The following MAGI2 variants were observed in gnomAD, a reference collection of about 807,000 sequenced individuals.
The protein encoded by MAGI2 is membrane associated guanylate kinase, WW and PDZ domain containing 2.
In MAGI2, 35 loss-of-function variants were observed where a neutral mutation model predicts 133.3. That is an observed-to-expected ratio of 0.26 (90% CI 0.20 to 0.35). MAGI2 has a LOEUF of 0.35. MAGI2 is among the 10% of genes least tolerant of loss of function. The pLI, the probability that MAGI2 is intolerant of heterozygous loss-of-function variation, is 1.00. For synonymous variants in MAGI2, 729 were observed against 710.6 expected, an observed-to-expected ratio of 1.03 and a Z score of -0.41; for missense variants, 1,636 against 1,863.4, an observed-to-expected ratio of 0.88 and a Z score of 2.25.
intron 17 of MAGI2, chr7:78,134,733 G>T (rs190448758): frequency 7.3e-6 from 2 of 274,868 alleles, no homozygotes; most frequent in African/African-American, 4.4e-5. Flanking sequence ...AAAAGTGGGG[G>T]CCCACAGGGA....
intron 1 of MAGI2, among the ~76,000 whole-genome samples, chr7:79,402,525 A>G (rs1563190849): frequency 1.3e-5 from 2 of 152,346 alleles, no homozygotes; most frequent in East Asian, 3.9e-4. Context: ...AGAGAGGGTA[A>G]GGTAATTTAT....
intron 2 of MAGI2, among the ~76,000 whole-genome samples, chr7:78,827,858 G>A (rs896059488): frequency 3.9e-5 from 6 of 152,050 alleles, no homozygotes; most frequent in Admixed American, 6.6e-5. Flanking sequence ...TCACCCTTGA[G>A]GAGGTGAAGC....
At chr7:78,991,167 C>G (rs1805733426) in intron 2 of MAGI2, among the ~76,000 whole-genome samples, 1 of 151,864 alleles carries the variant, frequency 6.6e-6, no homozygotes, top group Non-Finnish European at 1.5e-5. Context: ...AAGAAGGTGC[C>G]TGCTTCTCCT....
chr7:78,588,875 C>T (rs1378633576), intron 3 of MAGI2, among the ~76,000 whole-genome samples: 1 of 152,114 alleles, frequency 6.6e-6, no homozygotes, highest in Non-Finnish European at 1.5e-5. Flanking sequence ...AAAGCACCTC[C>T]GAATTCATCT....
chr7:78,602,503 G>C (rs1319360801), intron 3 of MAGI2, among the ~76,000 whole-genome samples: 1 of 151,360 alleles, frequency 6.6e-6, no homozygotes, highest in Admixed American at 6.6e-5. Flanking sequence ...TCTTGTCTTG[G>C]ATGCTTTGAA....
intron 10 of MAGI2, among the ~76,000 whole-genome samples, chr7:78,204,269 T>C (rs1252796565): frequency 6.6e-6 from 1 of 152,158 alleles, no homozygotes; most frequent in African/African-American, 2.4e-5. Flanking sequence ...TCACAGATCA[T>C]AGGACACTAT....
At chr7:78,463,908 GA>G in intron 6 of MAGI2, among the ~76,000 whole-genome samples, 1 of 151,986 alleles carries the variant, frequency 6.6e-6, no homozygotes, top group East Asian at 1.9e-4. Context: ...AAGAAGGGAG[GA>G]AGGTAGGTAG....
intron 2 of MAGI2, among the ~76,000 whole-genome samples, chr7:78,719,733 G>C (rs1300782144): frequency 6.6e-6 from 1 of 152,180 alleles, no homozygotes; most frequent in Admixed American, 6.5e-5. Flanking sequence ...TGAGGGGCCT[G>C]GCTGCAGTAC....
intron 6 of MAGI2, among the ~76,000 whole-genome samples, chr7:78,448,899 C>T (rs1395578123): frequency 6.6e-6 from 1 of 152,036 alleles, no homozygotes; most frequent in South Asian, 2.1e-4. Context: ...CAATGACCCA[C>T]AGAGAAGTAA....
intron 1 of MAGI2, among the ~76,000 whole-genome samples, chr7:79,195,055 T>A (rs980549806): frequency 2.0e-5 from 3 of 152,056 alleles, no homozygotes; most frequent in Non-Finnish European, 4.4e-5. Context: ...ACTTTTTCGA[T>A]ACTTTCTAAT....
At chr7:78,121,070 G>C (rs968227085) in intron 20 of MAGI2, among the ~76,000 whole-genome samples, 2 of 147,972 alleles carry the variant, frequency 1.4e-5, no homozygotes, top group East Asian at 3.9e-4. Context: ...TTGAGATTGA[G>C]GTTCTACCTT....
intron 20 of MAGI2, among the ~76,000 whole-genome samples, chr7:78,080,453 C>T (rs1019916258): frequency 6.6e-6 from 1 of 152,172 alleles, no homozygotes; most frequent in Non-Finnish European, 1.5e-5. Flanking sequence ...TCTGAGGCAA[C>T]GGGCATAACT....
chr7:78,624,220 T>G (rs1476057330), intron 3 of MAGI2, among the ~76,000 whole-genome samples: 1 of 152,076 alleles, frequency 6.6e-6, no homozygotes, highest in Non-Finnish European at 1.5e-5. Flanking sequence ...CAATATTAGA[T>G]CTTTGTCTGA....
chr7:78,143,940 G>A (rs879509665), intron 16 of MAGI2, among the ~76,000 whole-genome samples: 4 of 81,430 alleles, frequency 4.9e-5, no homozygotes, highest in Non-Finnish European at 1.1e-4. Context: ...TTTTTTTTTT[G>A]GCCACAGACT....
chr7:78,757,305 TTCTCTC>T (rs3086250), intron 2 of MAGI2, among the ~76,000 whole-genome samples: 42,521 of 145,212 alleles, frequency 0.29, 6,330 homozygotes, highest in South Asian at 0.48. Context: ...TTCTCCCTCC[TTCTCTC>T]TCTCTCTCTC....
intron 9 of MAGI2, among the ~76,000 whole-genome samples, chr7:78,296,303 T>C (rs1040335540): frequency 2.0e-5 from 3 of 152,184 alleles, no homozygotes; most frequent in Non-Finnish European, 4.4e-5. Context: ...TAATTCATGT[T>C]CCCTAACCAG....
chr7:78,148,339 T>C (rs1214606904), intron 16 of MAGI2, among the ~76,000 whole-genome samples: 1 of 152,120 alleles, frequency 6.6e-6, no homozygotes, highest in Admixed American at 6.6e-5. Flanking sequence ...GGCAAAACTT[T>C]AGAACAAAAC....
chr7:78,895,932 A>G (rs1584317849), intron 2 of MAGI2, among the ~76,000 whole-genome samples: 1 of 152,210 alleles, frequency 6.6e-6, no homozygotes, highest in African/African-American at 2.4e-5. Context: ...GTGGATTATA[A>G]ATAAATATCA....
At chr7:78,194,743 C>T in intron 12 of MAGI2, 131 bp downstream of exon 12, 1 of 650,170 alleles carries the variant, frequency 1.5e-6, no homozygotes, top group Non-Finnish European at 2.3e-6. Flanking sequence ...TTTAGACCAG[C>T]TGGCTCTGCT....
Sources: gnomAD v4.1 joint callset for allele counts (sites outside exome capture counted in the v4.1 genomes callset) on GRCh38, gnomAD v4.1.1 for gene constraint, MANE v1.5 for transcripts, NCBI Gene and HGNC (gene_info 2026-07-23, HGNC 2026-07-21) for gene names.